NFKB1: variants seen among roughly 807,000 people sequenced by gnomAD.
NFKB1 encodes nuclear factor NF-kappa-B p105 subunit.
A neutral mutation model predicts 105.1 loss-of-function variants in NFKB1; 9 were observed. The observed-to-expected ratio is 0.09, with a 90% CI of 0.05 to 0.15. The LOEUF (loss-of-function observed/expected upper bound fraction) is 0.15, where lower values mean the gene tolerates loss of function less well. Ranked by LOEUF, NFKB1 falls within the 10% of genes least tolerant of loss-of-function variation. The pLI is 1.00. For missense variants in NFKB1, 830 were observed against 1,203.7 expected (o/e 0.69, Z 4.59); for synonymous variants, 440 against 442.2 (o/e 1.00, Z 0.06).
intron 13 of NFKB1, among the ~76,000 whole-genome samples, chr4:102,595,280 CTT>C (rs1726516941): frequency 6.6e-6 from 1 of 152,274 alleles, no homozygotes; most frequent in South Asian, 2.1e-4. Context: ...CATCATCAAA[CTT>C]AATGTATTCT....
intron 5 of NFKB1, among the ~76,000 whole-genome samples, chr4:102,552,006 C>T (rs549975616): frequency 6.2e-4 from 95 of 152,262 alleles, no homozygotes; most frequent in Admixed American, 1.5e-3. Flanking sequence ...CATGAACCAG[C>T]AATGCAATGT....
intron 5 of NFKB1, among the ~76,000 whole-genome samples, chr4:102,565,452 A>G (rs1403895262): frequency 6.6e-6 from 1 of 152,150 alleles, no homozygotes; most frequent in Non-Finnish European, 1.5e-5. Flanking sequence ...CTCTTGGATG[A>G]AATATTGGGT....
chr4:102,561,899 G>A (rs988050592), intron 5 of NFKB1, among the ~76,000 whole-genome samples: 7 of 152,172 alleles, frequency 4.6e-5, no homozygotes, highest in African/African-American at 1.7e-4. Context: ...GTTGCATATG[G>A]TTTTCCTGCC....
At chr4:102,537,424 A>T (rs1741713050) in intron 4 of NFKB1, among the ~76,000 whole-genome samples, 3 of 152,216 alleles carry the variant, frequency 2.0e-5, no homozygotes, top group Admixed American at 2.0e-4. Flanking sequence ...ACCAGCTGTA[A>T]TCAGAGTAGA....
At chr4:102,605,920 G>T (rs958792937) in intron 16 of NFKB1, among the ~76,000 whole-genome samples, 2 of 152,146 alleles carry the variant, frequency 1.3e-5, no homozygotes, top group Non-Finnish European at 2.9e-5. Flanking sequence ...GGTTTCTATT[G>T]AGTACTTTAT....
At chr4:102,551,089 G>GA (rs763607358) in intron 5 of NFKB1, among the ~76,000 whole-genome samples, 1 of 152,148 alleles carries the variant, frequency 6.6e-6, no homozygotes, top group Non-Finnish European at 1.5e-5. Context: ...TCTAAACCCA[G>GA]AACATTTCAT....
chr4:102,503,672 T>C (rs1462507644), intron 1 of NFKB1, among the ~76,000 whole-genome samples: 3 of 152,164 alleles, frequency 2.0e-5, no homozygotes, highest in Non-Finnish European at 4.4e-5. Flanking sequence ...TTGTAAGCAT[T>C]GCTTTGATCT....
intron 16 of NFKB1, among the ~76,000 whole-genome samples, chr4:102,603,589 A>ATGCC (rs1241588045): frequency 6.6e-6 from 1 of 152,068 alleles, no homozygotes; most frequent in Admixed American, 6.5e-5. Flanking sequence ...CTTCCCTAGT[A>ATGCC]TGCCTTCTAG....
At chr4:102,563,727 C>T (rs1349619355) in intron 5 of NFKB1, among the ~76,000 whole-genome samples, 5 of 151,866 alleles carry the variant, frequency 3.3e-5, no homozygotes, top group Admixed American at 1.3e-4. Flanking sequence ...AGCTGGTTTG[C>T]GCCTAAAGTC....
intron 15 of NFKB1, among the ~76,000 whole-genome samples, chr4:102,599,380 G>A (rs932313290): frequency 5.3e-5 from 8 of 152,134 alleles, no homozygotes; most frequent in South Asian, 4.1e-4. Context: ...CTTCTGTGCC[G>A]GAGTTAATCC....
rs4648050 is a variant in NFKB1, at chr4:102,593,584, T to C, written c.1210+16T>C. 0.34 allele frequency: 540,365 copies of C among 1,600,628 alleles called. 93,617 individuals carry two copies. The highest frequency in any genetic ancestry group is 0.5 in the Admixed American group (28,704 of 57,940). On this transcript the variant is annotated intron_variant, in intron 12 of 23. Coordinates refer to ENST00000226574, the MANE Select transcript of NFKB1 (RefSeq NM_003998.4). The stretch of plus-strand genomic sequence containing the variant: ...ACAGGTCCAGGTACAAAAATACTTA[T>C]TCTTCCTAAAACTTTTTCATATTGG...
rs4648099 is a variant in NFKB1 at position 102,607,660 on chromosome 4, T to G, written c.2136T>G (p.His712Gln). The G allele has an allele frequency of 1.4e-3, 2,328 of 1,614,082 alleles. 32 individuals are homozygous for G. The African/African-American group carries it at 0.028, about 19-fold the overall frequency. ...AGCLLLEGDA[H>Q]VDSTTYDGTT... is the part of the protein sequence containing the mutation. ...GGGCTGGATTGTAGGGTGATGCCCA[T>G]GTGGACAGTACTACCTACGATGGAA... Residue 712 changes from histidine to glutamine, a missense_variant, in exon 19 of 24, where the codon CAT (histidine) becomes CAG (glutamine). Coordinates refer to ENST00000226574, the MANE Select transcript of NFKB1 (RefSeq NM_003998.4).
intron 19 of NFKB1, among the ~76,000 whole-genome samples, chr4:102,609,759 A>C (rs1728223503): frequency 6.6e-6 from 1 of 152,184 alleles, no homozygotes; most frequent in Non-Finnish European, 1.5e-5. Context: ...AAAATCAAGA[A>C]ACAGCATGAA....
intron 5 of NFKB1, among the ~76,000 whole-genome samples, chr4:102,565,886 C>G (rs1723827679): frequency 6.6e-6 from 1 of 152,116 alleles, no homozygotes; most frequent in Non-Finnish European, 1.5e-5. Flanking sequence ...ATAGGGTGAC[C>G]AACTAATCTA....
chr4:102,539,236 C>CAAAAAAAAAAAA (rs550342036), intron 5 of NFKB1, among the ~76,000 whole-genome samples: 1 of 95,634 alleles, frequency 1.0e-5, no homozygotes, highest in Admixed American at 1.2e-4. Context: ...GACTCTGTCT[C>CAAAAAAAAAAAA]AAAAAAAAAA....
rs1310670558 is a variant in NFKB1, at chr4:102,607,333, T to C, written c.2124+14T>C. Reference sequence around the variant, plus strand: ...CTGCTCCTGGAGGTGAAGGGCACACTTATTTGCTTTTGCATTAAATTTCTG... The same window carrying C: ...CTGCTCCTGGAGGTGAAGGGCACACCTATTTGCTTTTGCATTAAATTTCTG... On this transcript the variant is annotated intron_variant, in intron 18 of 23. Coordinates refer to ENST00000226574, the MANE Select transcript of NFKB1 (RefSeq NM_003998.4). The C allele has an allele frequency of 6.2e-7, 1 of 1,600,080 alleles. No individual in the cohort carries two copies. The highest frequency in any genetic ancestry group is 1.1e-5 in the South Asian group (1 of 89,728).
chr4:102,538,054 C>T, intron 5 of NFKB1, 98 bp downstream of exon 5: 1 of 730,196 alleles, frequency 1.4e-6, no homozygotes, highest in Non-Finnish European at 2.4e-6. Flanking sequence ...GTTGCCTTCG[C>T]TCCTAAGCTG....
intron 5 of NFKB1, among the ~76,000 whole-genome samples, chr4:102,548,581 C>G (rs557178013): frequency 1.3e-5 from 2 of 152,268 alleles, no homozygotes; most frequent in African/African-American, 4.8e-5. Flanking sequence ...TTACCACAAA[C>G]TAGGTGGTTT....
At chr4:102,614,634 G>C (rs1277128715) in intron 23 of NFKB1, among the ~76,000 whole-genome samples, 2 of 152,082 alleles carry the variant, frequency 1.3e-5, no homozygotes, top group East Asian at 3.9e-4. Flanking sequence ...TGTCCTCACA[G>C]TGACCGGTCA....
Sources: gnomAD v4.1 joint callset for allele counts (sites outside exome capture counted in the v4.1 genomes callset) on GRCh38, gnomAD v4.1.1 for gene constraint, MANE v1.5 for transcripts, NCBI Gene and HGNC (gene_info 2026-07-23, HGNC 2026-07-21) for gene names.